Variants in TTC9 observed in about 807,000 individuals in gnomAD.
The protein encoded by TTC9 is tetratricopeptide repeat protein 9A.
Under a neutral mutation model 22.9 loss-of-function variants are expected in TTC9, and 13 were observed. That is an observed-to-expected ratio of 0.57 (90% CI 0.37 to 0.90). The LOEUF (loss-of-function observed/expected upper bound fraction) is 0.90. TTC9 is among the 40% of genes least tolerant of loss of function. The probability of loss-of-function intolerance (pLI) is 0.01; values close to 1 mark genes in which losing one functional copy is unlikely to be tolerated. For synonymous variants in TTC9, 148 were observed against 133.2 expected, an observed-to-expected ratio of 1.11 and a Z score of -0.77; for missense variants, 280 against 291.8, an observed-to-expected ratio of 0.96 and a Z score of 0.29.
intron 1 of TTC9, among the ~76,000 whole-genome samples, chr14:70,659,119 A>AACACACACACGCGCGCGC (rs1365105263): frequency 7.4e-6 from 1 of 134,616 alleles, no homozygotes; most frequent in East Asian, 2.8e-4. Flanking sequence ...TATATAACTA[A>AACACACACACGCGCGCGC]ACACACACAC....
chr14:70,646,072 G>A lies in TTC9; in HGVS notation c.406+3537G>A, dbSNP rs1003335572. Among the ~76,000 whole-genome samples the A allele has an allele frequency of 3.9e-5, 6 of 152,176 alleles. 1 individual carries two copies. Among genetic ancestry groups the A allele is most frequent in the Admixed American group, 2.0e-4 (3 of 15,278 alleles). On this transcript the variant is annotated intron_variant, in intron 1 of 2. Coordinates refer to ENST00000256367, the MANE Select transcript of TTC9 (RefSeq NM_015351.2). Reference sequence around the variant, plus strand: ...ACCTATTTGGATGACTTGAGGGGACGCATGAAGGGTGTGCAGGCAATTTGC... The same window carrying A: ...ACCTATTTGGATGACTTGAGGGGACACATGAAGGGTGTGCAGGCAATTTGC...
At chr14:70,671,041 C>T (rs774202921) in intron 2 of TTC9, 35 bp from the exon 3 acceptor site, 5 of 1,593,710 alleles carry the variant, frequency 3.1e-6, no homozygotes, top group Non-Finnish European at 4.3e-6. Flanking sequence ...TTGCCCTCAC[C>T]TGGTGTTCCC....
At chr14:70,663,787 T>C (rs1886176482) in intron 1 of TTC9, among the ~76,000 whole-genome samples, 1 of 152,170 alleles carries the variant, frequency 6.6e-6, no homozygotes, top group Non-Finnish European at 1.5e-5. Flanking sequence ...AATTTTTGCT[T>C]GTTAGCTTTG....
At chr14:70,655,132 G>A (rs922800473) in intron 1 of TTC9, among the ~76,000 whole-genome samples, 4 of 152,168 alleles carry the variant, frequency 2.6e-5, no homozygotes, top group Admixed American at 2.6e-4. Context: ...AGTGGCTCCC[G>A]CCTGTAATCC....
At position 70,642,527 on chromosome 14, in the gene TTC9, G is replaced by C. The variant is rs974108212; in HGVS notation, c.398G>C (p.Ser133Thr). ...GCCATCGAGATCGACTGTTACAACA[G>C]CCTGGCAGGTGAGCCGCGCCGCGCC... ...VEAIEIDCYN[S>T]LAACLLQAEL... The change falls in exon 1 of 3, where the codon AGC becomes ACC. Residue 133 changes from serine to threonine, a missense_variant. Physicochemically the swap from Ser to Thr is moderately conservative, Grantham distance 58 (BLOSUM62 1). Coordinates refer to ENST00000256367, the MANE Select transcript of TTC9 (RefSeq NM_015351.2). 2.0e-6 allele frequency: 3 copies of C among 1,535,608 alleles called. No homozygotes were observed. The highest frequency in any genetic ancestry group is 1.2e-5 in the South Asian group (1 of 83,826).
At chr14:70,670,578 G>A (rs906804030) in intron 2 of TTC9, among the ~76,000 whole-genome samples, 2 of 152,094 alleles carry the variant, frequency 1.3e-5, no homozygotes, top group African/African-American at 4.8e-5. Flanking sequence ...GAACTTGAGA[G>A]GTGGAGTTTG....
intron 1 of TTC9, among the ~76,000 whole-genome samples, chr14:70,655,243 A>T (rs1886045188): frequency 6.6e-6 from 1 of 152,038 alleles, no homozygotes; most frequent in Non-Finnish European, 1.5e-5. Flanking sequence ...AAAATACAAA[A>T]ATTAGCCAGG....
intron 1 of TTC9, among the ~76,000 whole-genome samples, chr14:70,653,148 A>C (rs1016115939): frequency 4.6e-5 from 7 of 152,246 alleles, no homozygotes; most frequent in African/African-American, 1.7e-4. Context: ...ACATGCACAC[A>C]TGCCTAGCAC....
rs1566703369 is a variant in TTC9 at position 70,671,056 on chromosome 14, G to A, written c.590-20G>A. The A allele has an allele frequency of 1.9e-6, 3 of 1,611,716 alleles. No homozygotes were observed. Among genetic ancestry groups the A allele is most frequent in the Non-Finnish European group, 2.5e-6 (3 of 1,178,220 alleles). On this transcript the variant is annotated intron_variant, in intron 2 of 2. Transcript: ENST00000256367. The stretch of plus-strand genomic sequence containing the variant: ...TTGCCCTCACCTGGTGTTCCCTAAG[G>A]TTTATTTCTCTCCTCACAGACACCA...
intron 1 of TTC9, among the ~76,000 whole-genome samples, chr14:70,665,923 C>T (rs903726825): frequency 1.3e-5 from 2 of 152,162 alleles, no homozygotes; most frequent in East Asian, 1.9e-4. Flanking sequence ...CATTCTCCCC[C>T]AGCCACCCAG....
intron 1 of TTC9, among the ~76,000 whole-genome samples, chr14:70,653,244 A>G (rs775199723): frequency 3.3e-5 from 5 of 152,236 alleles, no homozygotes; most frequent in Non-Finnish European, 5.9e-5. Flanking sequence ...AGACAGAGGA[A>G]AATATAGGGA....
intron 1 of TTC9, among the ~76,000 whole-genome samples, chr14:70,658,480 T>G (rs898149197): frequency 3.3e-5 from 5 of 152,242 alleles, no homozygotes; most frequent in Admixed American, 2.0e-4. Flanking sequence ...TTGATGATTG[T>G]ACCTGTAGAT....
rs574768717 is a variant in TTC9 at position 70,672,764 on chromosome 14, C to G, written c.*1609C>G. 7.2e-5 allele frequency: 11 copies of G among 152,276 alleles called. No homozygotes were observed. The East Asian group carries it at 1.2e-3, about 16-fold the overall frequency. The allele number at this position is 152,276 out of a possible 1,614,324, so 9.4% of individuals were successfully genotyped here. On this transcript the variant is annotated 3_prime_UTR_variant, in exon 3 of 3. Coordinates refer to ENST00000256367, the MANE Select transcript of TTC9 (RefSeq NM_015351.2). The stretch of plus-strand genomic sequence containing the variant: ...TGCAGTTACTCTGGGATACTGTTCC[C>G]ATTTGATGGGTAAGAATATTGAAAA...
chr14:70,642,561 C>G (rs1885837710), intron 1 of TTC9, 26 bp downstream of exon 1: 1 of 1,518,484 alleles, frequency 6.6e-7, no homozygotes, highest in Non-Finnish European at 8.8e-7. Flanking sequence ...CCCCCCGCGC[C>G]GCGGTCCCCG....
intron 1 of TTC9, among the ~76,000 whole-genome samples, chr14:70,665,351 CCT>C (rs376670045): frequency 2.0e-5 from 3 of 151,828 alleles, no homozygotes; most frequent in Admixed American, 2.0e-4. Flanking sequence ...TACAGAAACC[CCT>C]CTCTCTCTCT....
chr14:70,662,640 G>A (rs142310479), intron 1 of TTC9, among the ~76,000 whole-genome samples: 26 of 152,296 alleles, frequency 1.7e-4, no homozygotes, highest in Middle Eastern at 3.4e-3. Flanking sequence ...CTGAAAGGAC[G>A]GTAGAGATCA....
intron 1 of TTC9, among the ~76,000 whole-genome samples, chr14:70,662,257 C>A (rs1277065136): frequency 6.6e-6 from 1 of 152,178 alleles, no homozygotes; most frequent in Non-Finnish European, 1.5e-5. Flanking sequence ...AGGCCAGGCT[C>A]CCTTGCCAGT....
intron 1 of TTC9, among the ~76,000 whole-genome samples, chr14:70,660,735 T>C (rs1886134029): frequency 6.6e-6 from 1 of 152,234 alleles, no homozygotes; most frequent in African/African-American, 2.4e-5. Flanking sequence ...ACAATACTGT[T>C]TGCCTATTTG....
intron 1 of TTC9, among the ~76,000 whole-genome samples, chr14:70,644,655 A>C (rs1885877687): frequency 6.6e-6 from 1 of 152,184 alleles, no homozygotes; most frequent in South Asian, 2.1e-4. Flanking sequence ...TTCCTTTGGG[A>C]GATCTCAGGC....
Sources: allele counts gnomAD v4.1 joint callset (sites outside exome capture counted in the v4.1 genomes callset), GRCh38; gene constraint gnomAD v4.1.1; transcripts MANE v1.5; gene names NCBI Gene and HGNC (gene_info 2026-07-23, HGNC 2026-07-21).